Variants in DLGAP2 observed in about 807,000 individuals in gnomAD.
DLGAP2 encodes the protein DLG associated protein 2.
DLGAP2 carries 26 observed loss-of-function variants against 100.3 expected under a neutral mutation model. That is an observed-to-expected ratio of 0.26 (90% CI 0.19 to 0.36). The LOEUF is 0.36. Among genes scored for constraint, DLGAP2 ranks in the 10% least tolerant of loss-of-function variants. The pLI, the probability that DLGAP2 is intolerant of heterozygous loss-of-function variation, is 1.00. For synonymous variants in DLGAP2, 886 were observed against 630.1 expected, an observed-to-expected ratio of 1.41 and a Z score of -6.08; for missense variants, 1,858 against 1,453.2, an observed-to-expected ratio of 1.28 and a Z score of -4.53.
At chr8:1,431,100 T>C (rs1797420133) in intron 3 of DLGAP2, among the ~76,000 whole-genome samples, 1 of 152,222 alleles carries the variant, frequency 6.6e-6, no homozygotes, top group East Asian at 1.9e-4. Flanking sequence ...CAAAGGCTAC[T>C]ACTATTATTT....
intron 2 of DLGAP2, among the ~76,000 whole-genome samples, chr8:1,227,645 G>C (rs537875640): frequency 1.3e-5 from 2 of 152,040 alleles, no homozygotes; most frequent in South Asian, 2.1e-4. Flanking sequence ...CCTGGAGGCC[G>C]TTATGCTAAA....
intron 1 of DLGAP2, among the ~76,000 whole-genome samples, chr8:833,858 T>C (rs996689230): frequency 1.3e-5 from 2 of 152,240 alleles, no homozygotes; most frequent in African/African-American, 2.4e-5. Context: ...TTTCATCTTT[T>C]ATCTCAGAAC....
chr8:989,479 G>C (rs1050081464), intron 2 of DLGAP2, among the ~76,000 whole-genome samples: 1 of 152,134 alleles, frequency 6.6e-6, no homozygotes, highest in Non-Finnish European at 1.5e-5. Context: ...TCTACATCTG[G>C]GGTTCCAGCT....
intron 6 of DLGAP2, among the ~76,000 whole-genome samples, chr8:1,606,403 C>A (rs1333336652): frequency 1.3e-5 from 2 of 152,154 alleles, no homozygotes; most frequent in Non-Finnish European, 2.9e-5. Context: ...TACCGTCACT[C>A]CCCACTTCCC....
intron 4 of DLGAP2, among the ~76,000 whole-genome samples, chr8:1,519,075 G>A (rs1055353132): frequency 6.6e-6 from 1 of 152,152 alleles, no homozygotes; most frequent in Non-Finnish European, 1.5e-5. Flanking sequence ...TGCCGTGAAG[G>A]AGCTGGCAGT....
At chr8:1,223,341 G>GC (rs1328351170) in intron 2 of DLGAP2, among the ~76,000 whole-genome samples, 1 of 152,168 alleles carries the variant, frequency 6.6e-6, no homozygotes, top group Non-Finnish European at 1.5e-5. Context: ...TGTGAGAAGC[G>GC]CTTCCCGTGT....
chr8:1,243,713 C>T (rs1467264433), intron 2 of DLGAP2, among the ~76,000 whole-genome samples: 4 of 152,138 alleles, frequency 2.6e-5, no homozygotes, highest in African/African-American at 7.2e-5. Flanking sequence ...CTCAGTCATG[C>T]CCTGATCCTC....
chr8:961,689 T>G (rs1280615587), intron 2 of DLGAP2, among the ~76,000 whole-genome samples: 1 of 152,232 alleles, frequency 6.6e-6, no homozygotes, highest in Non-Finnish European at 1.5e-5. Flanking sequence ...GTATTTTTAT[T>G]TTCTTTTAAT....
chr8:870,531 C>T (rs1751486469), intron 1 of DLGAP2, among the ~76,000 whole-genome samples: 1 of 152,164 alleles, frequency 6.6e-6, no homozygotes, highest in African/African-American at 2.4e-5. Context: ...CTCTCACTTC[C>T]TGCTCTGTCT....
intron 3 of DLGAP2, among the ~76,000 whole-genome samples, chr8:1,413,506 T>C (rs1796791955): frequency 6.6e-6 from 1 of 152,248 alleles, no homozygotes; most frequent in Non-Finnish European, 1.5e-5. Flanking sequence ...TAGATTACTT[T>C]GCACTAAATC....
At chr8:1,256,490 G>C (rs1358861327) in intron 2 of DLGAP2, among the ~76,000 whole-genome samples, 4 of 145,246 alleles carry the variant, frequency 2.8e-5, no homozygotes, top group African/African-American at 1.0e-4. Context: ...TGCTGTGTGT[G>C]TGTCCTCTCC....
intron 2 of DLGAP2, among the ~76,000 whole-genome samples, chr8:1,154,632 A>C (rs1315440192): frequency 6.6e-6 from 1 of 152,132 alleles, no homozygotes; most frequent in Non-Finnish European, 1.5e-5. Flanking sequence ...CATCCATTAA[A>C]AACCCCAGCA....
At chr8:1,138,476 C>T (rs1027335059) in intron 2 of DLGAP2, among the ~76,000 whole-genome samples, 1 of 152,240 alleles carries the variant, frequency 6.6e-6, no homozygotes, top group Non-Finnish European at 1.5e-5. Flanking sequence ...GCCATCGGCC[C>T]TCAGGTCCAC....
At chr8:1,688,928 C>T (rs1166773128) in intron 12 of DLGAP2, among the ~76,000 whole-genome samples, 1 of 152,190 alleles carries the variant, frequency 6.6e-6, no homozygotes, top group Non-Finnish European at 1.5e-5. Context: ...ATTACATGAA[C>T]ATTAAGACCC....
At chr8:1,450,891 C>A (rs375127903) in intron 3 of DLGAP2, among the ~76,000 whole-genome samples, 2 of 152,144 alleles carry the variant, frequency 1.3e-5, no homozygotes, top group African/African-American at 4.8e-5. Context: ...AATAAACAGT[C>A]CTCTATGAAT....
At chr8:1,162,086 A>G (rs573324888) in intron 2 of DLGAP2, among the ~76,000 whole-genome samples, 6 of 152,316 alleles carry the variant, frequency 3.9e-5, no homozygotes, top group South Asian at 2.1e-4. Context: ...GCTGATTCTT[A>G]TCTCATTAAT....
At chr8:880,016 G>GT (rs565864594) in intron 1 of DLGAP2, among the ~76,000 whole-genome samples, 3 of 152,278 alleles carry the variant, frequency 2.0e-5, no homozygotes, top group Non-Finnish European at 4.4e-5. Context: ...CTTGTTTTGT[G>GT]TAAGAAATGT....
chr8:1,274,695 C>CTTTTTTT (rs145930765), intron 3 of DLGAP2, among the ~76,000 whole-genome samples: 4 of 22,210 alleles, frequency 1.8e-4, no homozygotes, highest in African/African-American at 9.1e-4. Flanking sequence ...TTTCATTTAT[C>CTTTTTTT]TTTTTTTTTT....
chr8:804,886 C>A (rs1372720040), intron 1 of DLGAP2, among the ~76,000 whole-genome samples: 1 of 152,130 alleles, frequency 6.6e-6, no homozygotes, highest in African/African-American at 2.4e-5. Flanking sequence ...CCACCTCAAC[C>A]ACTGAGTAGC....
Sources: gnomAD v4.1 joint callset for allele counts (sites outside exome capture counted in the v4.1 genomes callset) on GRCh38, gnomAD v4.1.1 for gene constraint, MANE v1.5 for transcripts, NCBI Gene and HGNC (gene_info 2026-07-23, HGNC 2026-07-21) for gene names.